The following CACNA1H variants were observed in gnomAD, a reference collection of about 807,000 sequenced individuals.
CACNA1H encodes calcium voltage-gated channel subunit alpha1 H.
Under a neutral mutation model 192.5 loss-of-function variants are expected in CACNA1H, and 149 were observed. The ratio of observed to expected loss-of-function variants is 0.77; its 90% CI spans 0.68 to 0.89. The LOEUF is 0.89. Among genes scored for constraint, CACNA1H ranks in the 40% least tolerant of loss-of-function variants. CACNA1H has a pLI of 0.00. For synonymous variants in CACNA1H, 2,202 were observed against 1,475.2 expected, an observed-to-expected ratio of 1.49 and a Z score of -11.29; for missense variants, 4,257 against 3,423.5, an observed-to-expected ratio of 1.24 and a Z score of -6.08.
intron 2 of CACNA1H, among the ~76,000 whole-genome samples, chr16:1,175,865 G>A (rs567406836): frequency 1.2e-3 from 189 of 152,276 alleles, no homozygotes; most frequent in African/African-American, 4.1e-3. Context: ...GCCCCTGCCC[G>A]TCTCGGGCAG....
In CACNA1H at chr16:1,175,914, C is replaced by T. The variant is rs1964837613; in HGVS notation, c.300-19058C>T. Reference sequence around the variant, plus strand: ...ATTCCTCCTGCCCGGACCCCCAGTGCAGGCTCTGCAACAGCCTGGAGTTTG... The same window carrying T: ...ATTCCTCCTGCCCGGACCCCCAGTGTAGGCTCTGCAACAGCCTGGAGTTTG... On this transcript the variant is annotated intron_variant, in intron 2 of 34. Coordinates refer to ENST00000348261, the MANE Select transcript of CACNA1H (RefSeq NM_021098.3). 1.3e-5 allele frequency among the ~76,000 whole-genome samples: 2 copies of T among 152,182 alleles called. 1 individual carries two copies. Among genetic ancestry groups the T allele is most frequent in the South Asian group, 4.1e-4 (2 of 4,834 alleles).
At chr16:1,161,131 G>A (rs932447497) in intron 2 of CACNA1H, among the ~76,000 whole-genome samples, 2 of 152,218 alleles carry the variant, frequency 1.3e-5, no homozygotes, top group African/African-American at 2.4e-5. Flanking sequence ...GGCCTTGAGC[G>A]AGACCTCAGC....
chr16:1,205,389 C>T, intron 11 of CACNA1H, 124 bp downstream of exon 11: 1 of 1,101,074 alleles, frequency 9.1e-7, no homozygotes, highest in Non-Finnish European at 1.3e-6. Context: ...TTATGACAGG[C>T]CGTGGGAAGC....
At position 1,211,944 on chromosome 16, in the gene CACNA1H, A is replaced by G. The variant is rs1366044146; in HGVS notation, c.4567-2A>G. Reference sequence around the variant, plus strand: ...CGGGGACCCACCGCCTCTGTGCCACAGCCTGTGCAGAACCACAACCCCTGG... The same window carrying G: ...CGGGGACCCACCGCCTCTGTGCCACGGCCTGTGCAGAACCACAACCCCTGG... On this transcript the variant is annotated splice_acceptor_variant, in intron 24 of 34. Coordinates refer to ENST00000348261, the MANE Select transcript of CACNA1H (RefSeq NM_021098.3). LOFTEE classifies it high-confidence loss of function. 1.2e-6 allele frequency: 2 copies of G among 1,613,248 alleles called. No individual in the cohort carries two copies. Among genetic ancestry groups the G allele is most frequent in the Admixed American group, 3.3e-5 (2 of 60,024 alleles).
intron 2 of CACNA1H, among the ~76,000 whole-genome samples, chr16:1,188,768 G>C (rs1029712882): frequency 6.6e-6 from 1 of 152,162 alleles, no homozygotes. Context: ...CTGTGTTTCC[G>C]GCCAGGAGGC....
chr16:1,198,841 C>T (rs1456256008), intron 6 of CACNA1H, 67 bp downstream of exon 6: 1 of 1,465,526 alleles, frequency 6.8e-7, no homozygotes, highest in African/African-American at 1.4e-5. Context: ...GATAACGCAC[C>T]ATGTGGCTCC....
chr16:1,158,895 C>T (rs556945824), intron 2 of CACNA1H, among the ~76,000 whole-genome samples: 5 of 152,120 alleles, frequency 3.3e-5, no homozygotes, highest in East Asian at 1.9e-4. Context: ...CCGCTCAGCC[C>T]GCACCCCTGG....
intron 12 of CACNA1H, chr16:1,206,521 C>G: frequency 1.8e-6 from 1 of 554,094 alleles, no homozygotes; most frequent in Non-Finnish European, 3.2e-6. Context: ...GATGGGCCGC[C>G]AGGTGGACAA....
chr16:1,181,318 A>G (rs1002912537), intron 2 of CACNA1H, among the ~76,000 whole-genome samples: 2 of 152,268 alleles, frequency 1.3e-5, no homozygotes, highest in Non-Finnish European at 2.9e-5. Context: ...CACTGCCAGG[A>G]CAAAGCCAGC....
Position 1,221,193 on chromosome 16 carries a change from G to T in CACNA1H, c.*199G>T. 1 of 530,170 alleles carries T rather than the reference G, an allele frequency of 1.9e-6. No individual in the cohort carries two copies. The highest frequency in any genetic ancestry group is 3.3e-6 in the Non-Finnish European group (1 of 304,132). The allele number at this position is 530,170 out of a possible 1,614,324, so 32.8% of individuals were successfully genotyped here. A position where few individuals can be genotyped will look rare whatever the true frequency, so the allele number is the denominator to read the frequency against. ...TGCCGGGCCCCACGAGCCTCCGTCCGTTCTGGTTCGGGTTTCTCCGAGTTT... is the reference window on the plus strand; with the variant it reads ...TGCCGGGCCCCACGAGCCTCCGTCCTTTCTGGTTCGGGTTTCTCCGAGTTT... On this transcript the variant is annotated 3_prime_UTR_variant, in exon 35 of 35. Transcript: ENST00000348261.
intron 2 of CACNA1H, among the ~76,000 whole-genome samples, chr16:1,161,661 T>C (rs1172518901): frequency 6.6e-6 from 1 of 152,140 alleles, no homozygotes; most frequent in Non-Finnish European, 1.5e-5. Flanking sequence ...CGGTCACTGA[T>C]GGAGTGAGGC....
chr16:1,215,220 C>G (rs758757126), intron 28 of CACNA1H, 22 bp from the exon 29 acceptor site: 5 of 1,592,970 alleles, frequency 3.1e-6, no homozygotes, highest in Non-Finnish European at 4.3e-6. Context: ...CAGACGTGTG[C>G]GCTGAGCCTC....
rs1005453 is a variant in CACNA1H, at chr16:1,196,255, A to C, written c.643+232A>C. ...GGTGGGCAGTCAGCATTCACAGGGT[A>C]CCTGGCTCCCACACAGCCGAGTGAC... On this transcript the variant is annotated intron_variant, in intron 5 of 34. Transcript: ENST00000348261. Among the ~76,000 whole-genome samples, 65,030 of 152,224 alleles carry C rather than the reference A, an allele frequency of 0.43. 14,573 individuals are homozygous for C. Among genetic ancestry groups the C allele is most frequent in the African/African-American group, 0.5 (20,773 of 41,524 alleles).
chr16:1,180,298 T>C lies in CACNA1H; in HGVS notation c.300-14674T>C, dbSNP rs1036030269. On this transcript the variant is annotated intron_variant, in intron 2 of 34. Coordinates refer to ENST00000348261, the MANE Select transcript of CACNA1H (RefSeq NM_021098.3). This position sits in a 1 kb window ranked among gnomAD's most constrained non-coding sequence, Gnocchi z 4.4. ...ACCAGGCGTCGCCCACAGAGCATAATGTGAGGCGAGAGGGACTCGGGCTGC... is the reference window on the plus strand; with the variant it reads ...ACCAGGCGTCGCCCACAGAGCATAACGTGAGGCGAGAGGGACTCGGGCTGC... Among the ~76,000 whole-genome samples the C allele has an allele frequency of 6.6e-6, 1 of 152,122 alleles. No individual in the cohort carries two copies. Among genetic ancestry groups the C allele is most frequent in the African/African-American group, 2.4e-5 (1 of 41,424 alleles).
chr16:1,154,060 G>A (rs1241125817), intron 2 of CACNA1H, 24 bp downstream of exon 2: 5 of 934,566 alleles, frequency 5.4e-6, no homozygotes, highest in Non-Finnish European at 5.5e-6. Flanking sequence ...CCGGCGGGGG[G>A]CGGGGGGCGG....
chr16:1,208,888 A>C, intron 16 of CACNA1H, 144 bp from the exon 17 acceptor site: 1 of 908,316 alleles, frequency 1.1e-6, no homozygotes, highest in South Asian at 2.6e-5. Context: ...TGTCCCCCTA[A>C]AATCACAGCC....
intron 2 of CACNA1H, among the ~76,000 whole-genome samples, chr16:1,155,444 G>T (rs1962209731): frequency 6.6e-6 from 1 of 152,218 alleles, no homozygotes; most frequent in African/African-American, 2.4e-5. Flanking sequence ...CTGGTAGGAG[G>T]TGACTGGGTG....
intron 3 of CACNA1H, among the ~76,000 whole-genome samples, 172 bp from the exon 4 acceptor site, chr16:1,195,260 C>T (rs1478561881): frequency 4.1e-5 from 5 of 122,468 alleles, no homozygotes; most frequent in African/African-American, 1.2e-4. Context: ...TGGGGCAGGG[C>T]GAGAGGCGAG....
chr16:1,170,531 C>A (rs1420054695), intron 2 of CACNA1H, among the ~76,000 whole-genome samples: 6 of 152,208 alleles, frequency 3.9e-5, no homozygotes, highest in African/African-American at 1.4e-4. Context: ...CTGCGGACCC[C>A]CACAAGCCCA....
Sources: allele counts gnomAD v4.1 joint callset (sites outside exome capture counted in the v4.1 genomes callset), GRCh38; gene constraint gnomAD v4.1.1; non-coding constraint Gnocchi (gnomAD v3.1); transcripts MANE v1.5; gene names NCBI Gene and HGNC (gene_info 2026-07-23, HGNC 2026-07-21).